EXOC6B: variants seen among roughly 807,000 people sequenced by gnomAD.
EXOC6B encodes the protein SEC15 homolog B.
Under a neutral mutation model 113.5 loss-of-function variants are expected in EXOC6B, and 54 were observed. That is an observed-to-expected ratio of 0.48 (90% CI 0.38 to 0.60). EXOC6B has a LOEUF of 0.60. Ranked by LOEUF, EXOC6B falls within the 20% of genes least tolerant of loss-of-function variation. EXOC6B has a pLI of 0.00. For missense variants in EXOC6B, 797 were observed against 977.5 expected (o/e 0.82, Z 2.46); for synonymous variants, 357 against 339.0 (o/e 1.05, Z -0.58).
chr2:72,312,710 G>A (rs958612328), intron 20 of EXOC6B, among the ~76,000 whole-genome samples: 9 of 150,608 alleles, frequency 6.0e-5, no homozygotes, highest in Non-Finnish European at 1.3e-4. Flanking sequence ...AGCTGCGATC[G>A]CGCCATTGCA....
chr2:72,675,967 AT>A (rs955937135), intron 6 of EXOC6B, among the ~76,000 whole-genome samples: 15 of 151,542 alleles, frequency 9.9e-5, no homozygotes, highest in African/African-American at 3.6e-4. Flanking sequence ...TGTAGTAGAA[AT>A]TTTTTTTTAA....
At chr2:72,773,120 CTTTTTTTT>C (rs1254377634) in intron 1 of EXOC6B, among the ~76,000 whole-genome samples, 1 of 94,904 alleles carries the variant, frequency 1.1e-5, no homozygotes, top group Non-Finnish European at 2.0e-5. Flanking sequence ...CTTAGATTTT[CTTTTTTTT>C]TTTTTTTTTT....
chr2:72,692,891 A>C (rs1194149406), intron 6 of EXOC6B, among the ~76,000 whole-genome samples: 1 of 152,224 alleles, frequency 6.6e-6, no homozygotes, highest in Non-Finnish European at 1.5e-5. Flanking sequence ...AGTCAATACT[A>C]ATATCCTCTG....
intron 8 of EXOC6B, among the ~76,000 whole-genome samples, chr2:72,545,823 CTT>C (rs1212664013): frequency 3.3e-5 from 5 of 152,146 alleles, no homozygotes; most frequent in South Asian, 2.1e-4. Context: ...ATTTTAGACT[CTT>C]GAGTTATTTA....
At chr2:72,215,090 A>G (rs1680439416) in intron 20 of EXOC6B, among the ~76,000 whole-genome samples, 1 of 152,226 alleles carries the variant, frequency 6.6e-6, no homozygotes, top group African/African-American at 2.4e-5. Context: ...TCGTGGGGAC[A>G]TCACATCTCT....
chr2:72,798,707 C>A (rs1305556576), intron 1 of EXOC6B, among the ~76,000 whole-genome samples: 1 of 151,852 alleles, frequency 6.6e-6, no homozygotes. Context: ...AAAGACTGAG[C>A]CACAAAAGAT....
chr2:72,631,191 C>CAT (rs10579703), intron 6 of EXOC6B, among the ~76,000 whole-genome samples: 137 of 149,918 alleles, frequency 9.1e-4, no homozygotes, highest in Admixed American at 1.3e-3. Context: ...TGCAAGTGTG[C>CAT]ATATATATAT....
chr2:72,281,483 C>G (rs1685128445), intron 20 of EXOC6B, among the ~76,000 whole-genome samples: 1 of 151,742 alleles, frequency 6.6e-6, no homozygotes, highest in Admixed American at 6.6e-5. Context: ...AATTCTAGCT[C>G]TGAAAAAAAG....
chr2:72,473,926 A>T (rs1698563030), intron 17 of EXOC6B, among the ~76,000 whole-genome samples: 1 of 152,118 alleles, frequency 6.6e-6, no homozygotes, highest in East Asian at 1.9e-4. Context: ...CCCTTGAGGA[A>T]TTTATTGTAA....
chr2:72,451,488 G>C (rs761623824), intron 18 of EXOC6B, among the ~76,000 whole-genome samples: 1 of 152,148 alleles, frequency 6.6e-6, no homozygotes, highest in Non-Finnish European at 1.5e-5. Context: ...AACAGTTAAA[G>C]ACGGTAAATC....
chr2:72,294,990 T>A (rs751791856), intron 20 of EXOC6B, among the ~76,000 whole-genome samples: 3 of 152,150 alleles, frequency 2.0e-5, no homozygotes, highest in Non-Finnish European at 4.4e-5. Flanking sequence ...CCCAGCACTT[T>A]GGGAGGCTGA....
intron 6 of EXOC6B, among the ~76,000 whole-genome samples, chr2:72,709,623 T>C (rs1193811353): frequency 1.3e-5 from 2 of 152,196 alleles, no homozygotes; most frequent in Non-Finnish European, 2.9e-5. Context: ...ACCAGGCTCA[T>C]GAAATTATTT....
chr2:72,184,116 G>A lies in EXOC6B; in HGVS notation c.2268C>T (p.Tyr756=). Residue 756 remains tyrosine, a synonymous_variant, in exon 21 of 22, where the codon TAC becomes TAT. Coordinates refer to ENST00000272427, the MANE Select transcript of EXOC6B (RefSeq NM_015189.3). ...LADYGQPNCK[Y]LRVNPVTALT... ...GAGCAGTCACTGGGTTTACCCGGAG[G>A]TACTTGCAGTTGGGCTGACCATAGT... 2 of 1,566,270 alleles carry A rather than the reference G, an allele frequency of 1.3e-6. No individual in the cohort carries two copies. Among genetic ancestry groups the A allele is most frequent in the South Asian group, 1.2e-5 (1 of 84,848 alleles).
intron 1 of EXOC6B, among the ~76,000 whole-genome samples, chr2:72,788,426 G>C (rs1684493610): frequency 1.3e-5 from 2 of 152,142 alleles, no homozygotes; most frequent in Admixed American, 6.5e-5. Flanking sequence ...TTTTTTTGCT[G>C]TTGTTTTTTT....
intron 6 of EXOC6B, among the ~76,000 whole-genome samples, chr2:72,679,549 G>A (rs1287914689): frequency 6.6e-6 from 1 of 152,166 alleles, no homozygotes; most frequent in Non-Finnish European, 1.5e-5. Context: ...GAAAAGGAAG[G>A]AAGTTTGGCA....
chr2:72,731,207 T>C lies in EXOC6B; in HGVS notation c.366A>G (p.Leu122=), dbSNP rs1396964790. 4 of 1,613,380 alleles carry C rather than the reference T, an allele frequency of 2.5e-6. 1 individual carries two copies. In the South Asian group the frequency reaches 3.3e-5, roughly 13 times the overall value. The change falls in exon 4 of 22, where the codon CTA becomes CTG. Residue 122 remains leucine (L), a synonymous_variant. Coordinates refer to ENST00000272427, the MANE Select transcript of EXOC6B (RefSeq NM_015189.3). The stretch of plus-strand genomic sequence containing the variant: ...CAGTGGCAGAAATATTTCTCTGTTG[T>C]AGTCGACACTGCTTCAGCTCTTCCA... ...IAMEELKQCR[L]QQRNISATVD...
At chr2:72,225,619 C>T (rs1681187974) in intron 20 of EXOC6B, among the ~76,000 whole-genome samples, 1 of 152,154 alleles carries the variant, frequency 6.6e-6, no homozygotes, top group Non-Finnish European at 1.5e-5. Context: ...AGACAGGGCT[C>T]TTCAAGAGCT....
intron 6 of EXOC6B, among the ~76,000 whole-genome samples, chr2:72,671,803 GA>G (rs748926078): frequency 2.6e-5 from 3 of 116,680 alleles, no homozygotes; most frequent in East Asian, 2.4e-4. Flanking sequence ...AAGAAAGAAA[GA>G]AAGAAAGAAA....
intron 11 of EXOC6B, among the ~76,000 whole-genome samples, chr2:72,507,364 G>A (rs773281707): frequency 2.6e-5 from 4 of 152,016 alleles, no homozygotes; most frequent in Non-Finnish European, 4.4e-5. Context: ...TGTTAATACT[G>A]AGTTGTTTCT....
Sources: allele counts gnomAD v4.1 joint callset (sites outside exome capture counted in the v4.1 genomes callset), GRCh38; gene constraint gnomAD v4.1.1; transcripts MANE v1.5; gene names NCBI Gene and HGNC (gene_info 2026-07-23, HGNC 2026-07-21).